CORIN: variants seen among roughly 807,000 people sequenced by gnomAD.
CORIN encodes the protein corin, serine peptidase.
CORIN carries 117 observed loss-of-function variants against 125.3 expected under a neutral mutation model. The observed-to-expected ratio is 0.93, with a 90% CI of 0.80 to 1.09. The LOEUF is 1.09. Among genes scored for constraint, CORIN ranks in the 50% least tolerant of loss-of-function variants. CORIN has a pLI of 0.00. For synonymous variants in CORIN, 450 were observed against 466.4 expected (o/e 0.96, Z 0.45); for missense variants, 1,253 against 1,306.7 (o/e 0.96, Z 0.63).
chr4:47,649,167 C>T (rs1723621572), intron 13 of CORIN, among the ~76,000 whole-genome samples: 1 of 152,244 alleles, frequency 6.6e-6, no homozygotes, highest in East Asian at 1.9e-4. Context: ...TTATGGCATG[C>T]TCTTCACATA....
rs2109615403 is a variant in CORIN, at chr4:47,643,209, A to C, written c.2005T>G (p.Ser669Ala). Reference sequence around the variant, plus strand: ...TCACCATCACACCACAGGTCACGTGACACACACGCATGGTTTGCACATTCC... The same window carrying C: ...TCACCATCACACCACAGGTCACGTGCCACACACGCATGGTTTGCACATTCC... The part of the protein sequence containing the change: ...ELECANHACV[S>A]RDLWCDGEAD... The change falls in exon 15 of 22, where the codon TCA becomes GCA. Residue 669 changes from serine to alanine, a missense_variant. Coordinates refer to ENST00000273857, the MANE Select transcript of CORIN (RefSeq NM_006587.4). 6.2e-7 allele frequency: 1 copy of C among 1,613,918 alleles called. No homozygotes were observed. Among genetic ancestry groups the C allele is most frequent in the African/African-American group, 1.3e-5 (1 of 75,044 alleles).
At chr4:47,678,761 C>T (rs1247296847) in intron 8 of CORIN, among the ~76,000 whole-genome samples, 1 of 152,166 alleles carries the variant, frequency 6.6e-6, no homozygotes, top group Admixed American at 6.5e-5. Context: ...GTGACCTCAG[C>T]CTTCACTGAA....
chr4:47,750,476 A>G (rs1728848222), intron 4 of CORIN, among the ~76,000 whole-genome samples: 1 of 152,214 alleles, frequency 6.6e-6, no homozygotes, highest in South Asian at 2.1e-4. Context: ...TGTTTAATGA[A>G]GGGCTCTGAT....
intron 2 of CORIN, among the ~76,000 whole-genome samples, chr4:47,797,987 A>G (rs1348486231): frequency 6.6e-6 from 1 of 152,124 alleles, no homozygotes; most frequent in African/African-American, 2.4e-5. Flanking sequence ...AAAAATCTAC[A>G]TATAATTTAA....
chr4:47,806,481 G>A (rs774691011), intron 2 of CORIN, among the ~76,000 whole-genome samples: 22 of 152,042 alleles, frequency 1.4e-4, no homozygotes, highest in Non-Finnish European at 3.1e-4. Context: ...ACTTAATTCC[G>A]AAGTTAACAC....
intron 3 of CORIN, among the ~76,000 whole-genome samples, chr4:47,785,690 G>A (rs529471206): frequency 6.6e-6 from 1 of 152,104 alleles, no homozygotes; most frequent in Admixed American, 6.5e-5. Flanking sequence ...GAGGCGGGTG[G>A]ATCATGAGGT....
In CORIN at chr4:47,667,956, C is replaced by CA. The variant is rs149541341; in HGVS notation, c.1358-2694dup. 4.7e-3 allele frequency among the ~76,000 whole-genome samples: 719 copies of CA among 152,224 alleles called. 7 individuals carry two copies. The highest frequency in any genetic ancestry group is 0.017 in the African/African-American group (688 of 41,544). On this transcript the variant is annotated intron_variant, in intron 10 of 21. Coordinates refer to ENST00000273857, the MANE Select transcript of CORIN (RefSeq NM_006587.4). ...GGGAGGTGATTGAGTTATAAGGGTA[C>CA]AGCCCCCAAGAATGGGATTAGTGCC...
intron 9 of CORIN, among the ~76,000 whole-genome samples, chr4:47,676,585 A>G (rs73142047): frequency 1.8e-4 from 27 of 152,320 alleles, no homozygotes; most frequent in African/African-American, 6.3e-4. Context: ...AAGCTCCATC[A>G]GCGGTTTTGC....
intron 16 of CORIN, 95 bp downstream of exon 16, chr4:47,641,825 G>C (rs1483971722): frequency 7.0e-7 from 1 of 1,436,788 alleles, no homozygotes; most frequent in Non-Finnish European, 9.5e-7. Context: ...TTGTTTGAGA[G>C]CACTAACTCT....
At chr4:47,702,127 T>C (rs1006734317) in intron 5 of CORIN, among the ~76,000 whole-genome samples, 4 of 152,142 alleles carry the variant, frequency 2.6e-5, no homozygotes, top group Admixed American at 6.5e-5. Context: ...TTAAAAAAAT[T>C]GTGTTTAATA....
At chr4:47,710,206 G>A (rs1271197335) in intron 5 of CORIN, among the ~76,000 whole-genome samples, 1 of 152,126 alleles carries the variant, frequency 6.6e-6, no homozygotes, top group Admixed American at 6.5e-5. Context: ...AACTTCAAGG[G>A]AAATTTTCAT....
rs1384589948 is a variant in CORIN at position 47,674,432 on chromosome 4, T to C, written c.1318A>G (p.Ser440Gly). The C allele has an allele frequency of 6.2e-7, 1 of 1,613,998 alleles. No homozygotes were observed. The highest frequency in any genetic ancestry group is 1.1e-5 in the South Asian group (1 of 91,084). Residue 440 changes from serine to glycine, a missense_variant, in exon 10 of 22, where the codon AGC (serine) becomes GGC (glycine). Ser to Gly is a moderately conservative substitution (Grantham distance 56). Coordinates refer to ENST00000273857, the MANE Select transcript of CORIN (RefSeq NM_006587.4). ...CTGTTGTTCGGGTCACAGAGAGAGC[T>C]ACCACCACATGAATCAAGGCAGGGA... ...YNPCLDSCGG[S>G]SLCDPNNSLN... is the part of the protein sequence containing the mutation.
chr4:47,667,554 C>A (rs1724535810), intron 10 of CORIN, among the ~76,000 whole-genome samples: 1 of 152,046 alleles, frequency 6.6e-6, no homozygotes, highest in Non-Finnish European at 1.5e-5. Context: ...AATAGATTTG[C>A]AATAAGGACT....
chr4:47,706,431 C>G (rs1214461722), intron 5 of CORIN: 4 of 1,610,092 alleles, frequency 2.5e-6, no homozygotes, highest in Non-Finnish European at 2.5e-6. Flanking sequence ...ATGTCACGCG[C>G]TTTCTTCTGA....
intron 1 of CORIN, among the ~76,000 whole-genome samples, chr4:47,833,154 A>T (rs1327443092): frequency 6.6e-6 from 1 of 151,980 alleles, no homozygotes; most frequent in Non-Finnish European, 1.5e-5. Context: ...ATACGTCATG[A>T]TTTCAAAATA....
intron 16 of CORIN, among the ~76,000 whole-genome samples, chr4:47,632,725 T>TA (rs5858081): frequency 0.15 from 19,435 of 126,710 alleles, 1,463 homozygotes; most frequent in Admixed American, 0.22. Flanking sequence ...TGACAATAGA[T>TA]GATAGATAGA....
At chr4:47,669,892 T>C (rs1238040799) in intron 10 of CORIN, among the ~76,000 whole-genome samples, 1 of 152,226 alleles carries the variant, frequency 6.6e-6, no homozygotes, top group Non-Finnish European at 1.5e-5. Context: ...ATTACCTAAG[T>C]GTGTACCACC....
intron 2 of CORIN, among the ~76,000 whole-genome samples, chr4:47,804,820 CTATAG>C (rs769889720): frequency 2.0e-4 from 30 of 151,344 alleles, no homozygotes; most frequent in East Asian, 1.4e-3. Flanking sequence ...AACAGGATGA[CTATAG>C]TAAATAGAAG....
intron 5 of CORIN, among the ~76,000 whole-genome samples, chr4:47,702,732 C>A (rs1726362463): frequency 6.6e-6 from 1 of 151,894 alleles, no homozygotes; most frequent in Admixed American, 6.6e-5. Context: ...AGAAAAAAAA[C>A]ATACTTCTTT....
Sources: gnomAD v4.1 joint callset for allele counts (sites outside exome capture counted in the v4.1 genomes callset) on GRCh38, gnomAD v4.1.1 for gene constraint, MANE v1.5 for transcripts, NCBI Gene and HGNC (gene_info 2026-07-23, HGNC 2026-07-21) for gene names.